MALRD1: variants seen among roughly 807,000 people sequenced by gnomAD.
MALRD1 encodes the protein MAM and LDL-receptor class A domain-containing protein 1.
A neutral mutation model predicts 242.1 loss-of-function variants in MALRD1; 247 were observed. The observed-to-expected ratio is 1.02, with a 90% CI of 0.92 to 1.13. The LOEUF (loss-of-function observed/expected upper bound fraction) is 1.13. MALRD1 is among the 50% of genes most tolerant of loss of function. The probability of loss-of-function intolerance (pLI) is 0.00; values close to 1 mark genes in which losing one functional copy is unlikely to be tolerated. For synonymous variants in MALRD1, 995 were observed against 866.6 expected (o/e 1.15, Z -2.60); for missense variants, 2,989 against 2,533.1 (o/e 1.18, Z -3.86).
chr10:19,246,014 A>T (rs891468630), intron 18 of MALRD1, among the ~76,000 whole-genome samples: 1 of 152,182 alleles, frequency 6.6e-6, no homozygotes. Flanking sequence ...ATAAAAAACG[A>T]TGATGTGTTA....
chr10:19,526,365 A>ATACATATATATATAT (rs10695324), intron 31 of MALRD1, among the ~76,000 whole-genome samples: 27 of 149,020 alleles, frequency 1.8e-4, no homozygotes, highest in East Asian at 1.4e-3. Context: ...CCAAAAAAAA[A>ATACATATATATATAT]ATACATATAT....
At chr10:19,658,923 G>A (rs1841294900) in intron 36 of MALRD1, among the ~76,000 whole-genome samples, 1 of 152,056 alleles carries the variant, frequency 6.6e-6, no homozygotes, top group Non-Finnish European at 1.5e-5. Context: ...TTTTAAGAAA[G>A]AAATGAAAAA....
intron 22 of MALRD1, among the ~76,000 whole-genome samples, chr10:19,324,936 A>T (rs1173197876): frequency 6.8e-6 from 1 of 147,416 alleles, no homozygotes; most frequent in African/African-American, 2.5e-5. Context: ...TTGCCAAGAG[A>T]TATTTTAAGG....
chr10:19,386,223 C>T (rs1846064297), intron 26 of MALRD1, among the ~76,000 whole-genome samples: 1 of 152,068 alleles, frequency 6.6e-6, no homozygotes, highest in African/African-American at 2.4e-5. Flanking sequence ...GGTTGTATCA[C>T]CAGCCGTTTC....
rs115805906 is a variant in MALRD1, at chr10:19,476,116, C to T, written c.5030-15401C>T. On this transcript the variant is annotated intron_variant, in intron 29 of 39. Coordinates refer to ENST00000454679, the MANE Select transcript of MALRD1 (RefSeq NM_001142308.3). ...TGCCAAAGATTGGGGGATGATGGGT[C>T]GGAAAAGTGAAGAAACAATTGTGGA... Among the ~76,000 whole-genome samples the T allele has an allele frequency of 1.7e-3, 254 of 152,078 alleles. 1 individual carries two copies. The highest frequency in any genetic ancestry group is 5.5e-3 in the African/African-American group (230 of 41,474).
intron 36 of MALRD1, among the ~76,000 whole-genome samples, chr10:19,658,688 A>G (rs760087584): frequency 2.0e-5 from 3 of 152,180 alleles, no homozygotes; most frequent in Non-Finnish European, 2.9e-5. Flanking sequence ...GGACTTGAAC[A>G]AGAAGAACAA....
intron 18 of MALRD1, among the ~76,000 whole-genome samples, chr10:19,221,548 G>A (rs563365413): frequency 6.6e-6 from 1 of 152,064 alleles, no homozygotes. Context: ...TCACCTGTTC[G>A]TCAAACACTG....
chr10:19,114,477 A>T (rs1044713681), intron 5 of MALRD1, among the ~76,000 whole-genome samples: 24 of 152,140 alleles, frequency 1.6e-4, no homozygotes, highest in African/African-American at 5.6e-4. Context: ...TCTCTACTAA[A>T]AATACAAAAA....
intron 28 of MALRD1, among the ~76,000 whole-genome samples, chr10:19,425,845 G>A (rs1015994785): frequency 2.6e-5 from 4 of 152,118 alleles, no homozygotes; most frequent in Non-Finnish European, 5.9e-5. Context: ...TTTGTCCTTA[G>A]AGTCTCCTTC....
At chr10:19,714,373 C>G (rs1834281769) in intron 38 of MALRD1, among the ~76,000 whole-genome samples, 1 of 152,272 alleles carries the variant, frequency 6.6e-6, no homozygotes, top group African/African-American at 2.4e-5. Context: ...GCTGGTCAGC[C>G]TGCCAGCGTC....
chr10:19,100,958 T>A (rs992729782), intron 4 of MALRD1, among the ~76,000 whole-genome samples: 3 of 152,142 alleles, frequency 2.0e-5, no homozygotes, highest in Non-Finnish European at 2.9e-5. Context: ...AAAATGTTAA[T>A]TTGTAAAGAA....
At position 19,165,795 on chromosome 10, in the gene MALRD1, T is replaced by A; in HGVS notation, c.1815T>A (p.Ser605=). The A allele has an allele frequency of 1.1e-5, 14 of 1,231,698 alleles. No homozygotes were observed. The highest frequency in any genetic ancestry group is 1.4e-5 in the Non-Finnish European group (14 of 987,942). The allele number at this position is 1,231,698 out of a possible 1,614,324, so 76.3% of individuals were successfully genotyped here. ...ATCTCATTGCAGAAGCGGGAGAATC[T>A]ACTCTACCTTTTCAGGTAAGCACAT... ...KIDLIAEAGE[S]TLPFQLILEA... Residue 605 remains serine (S), a synonymous_variant, in exon 13 of 40, where the codon TCT becomes TCA. Transcript: ENST00000454679.
At chr10:19,238,751 G>A (rs537192100) in intron 18 of MALRD1, among the ~76,000 whole-genome samples, 25 of 149,282 alleles carry the variant, frequency 1.7e-4, no homozygotes, top group African/African-American at 4.7e-4. Flanking sequence ...TTATGTGATC[G>A]AATGATTGTT....
At chr10:19,675,346 C>A (rs140535870) in intron 36 of MALRD1, among the ~76,000 whole-genome samples, 20 of 152,282 alleles carry the variant, frequency 1.3e-4, no homozygotes, top group African/African-American at 4.3e-4. Context: ...ACAAGCAGTT[C>A]AGAGGCCGTG....
At chr10:19,584,909 C>G (rs1228342288) in intron 33 of MALRD1, among the ~76,000 whole-genome samples, 1 of 151,738 alleles carries the variant, frequency 6.6e-6, no homozygotes, top group African/African-American at 2.4e-5. Context: ...CTGGGTGCTC[C>G]TGTATTGGGT....
chr10:19,439,542 A>C (rs1230384084), intron 28 of MALRD1, among the ~76,000 whole-genome samples: 1 of 152,124 alleles, frequency 6.6e-6, no homozygotes, highest in African/African-American at 2.4e-5. Flanking sequence ...TGTCTCAAAA[A>C]AAAAGTGGGG....
intron 33 of MALRD1, among the ~76,000 whole-genome samples, chr10:19,590,297 A>T (rs1244026560): frequency 6.8e-6 from 1 of 148,058 alleles, no homozygotes; most frequent in Non-Finnish European, 1.5e-5. Flanking sequence ...ACATGTATAT[A>T]TTATATATGT....
intron 5 of MALRD1, among the ~76,000 whole-genome samples, chr10:19,104,628 A>G (rs1422818549): frequency 6.6e-6 from 1 of 152,152 alleles, no homozygotes; most frequent in Non-Finnish European, 1.5e-5. Context: ...ATAGCATAAA[A>G]TACCAGGCTT....
At chr10:19,609,095 T>A (rs926492705) in intron 35 of MALRD1, among the ~76,000 whole-genome samples, 1 of 152,092 alleles carries the variant, frequency 6.6e-6, no homozygotes, top group African/African-American at 2.4e-5. Context: ...TCTTCTTTGA[T>A]ATAATCTACT....
Sources: allele counts gnomAD v4.1 joint callset (sites outside exome capture counted in the v4.1 genomes callset), GRCh38; gene constraint gnomAD v4.1.1; transcripts MANE v1.5; gene names NCBI Gene and HGNC (gene_info 2026-07-23, HGNC 2026-07-21).